HOXC5: variants seen among roughly 807,000 people sequenced by gnomAD.
HOXC5 encodes homeobox C5.
HOXC5 carries 19 observed loss-of-function variants against 20.1 expected under a neutral mutation model. The ratio of observed to expected loss-of-function variants is 0.94; its 90% CI spans 0.66 to 1.38. HOXC5 has a LOEUF of 1.38. Among genes scored for constraint, HOXC5 ranks in the 40% most tolerant of loss-of-function variants. HOXC5 has a pLI of 0.00. For missense variants in HOXC5, 330 were observed against 300.1 expected, an observed-to-expected ratio of 1.10 and a Z score of -0.74; for synonymous variants, 124 against 117.0, an observed-to-expected ratio of 1.06 and a Z score of -0.39.
chr12:54,030,473 C>T (rs1395673838), upstream of HOXC5: 1 of 152,922 alleles, frequency 6.5e-6, no homozygotes, highest in Non-Finnish European at 1.5e-5. Context: ...CTGCCTAGCC[C>T]CTCTGCCCCA....
chr12:54,017,004 T>C, the HOXC5 span: 5 of 152,054 alleles, frequency 3.3e-5, no homozygotes, highest in African/African-American at 4.8e-5. Context: ...TTTTCCCCCA[T>C]TTAATTTTTT....
upstream of HOXC5, among the ~76,000 whole-genome samples, chr12:54,029,409 C>CCT (rs1940887176): frequency 1.1e-5 from 1 of 87,044 alleles, no homozygotes; most frequent in Non-Finnish European, 2.2e-5. Flanking sequence ...CCCCGCCCCC[C>CCT]CGCCCCCCCC....
chr12:54,032,371 C>A (rs1194920611), upstream of HOXC5, among the ~76,000 whole-genome samples: 1 of 152,238 alleles, frequency 6.6e-6, no homozygotes, highest in Admixed American at 6.5e-5. Context: ...CTTTCTCTTG[C>A]TGATAGGCAC....
upstream of HOXC5, chr12:54,030,014 A>G (rs1460238040): frequency 2.1e-6 from 3 of 1,414,192 alleles, no homozygotes; most frequent in African/African-American, 2.9e-5. Context: ...CTCCCCACCA[A>G]CTCTCCCCTA....
At chr12:54,027,903 AT>A in the HOXC5 span, among the ~76,000 whole-genome samples, 5 of 151,012 alleles carry the variant, frequency 3.3e-5, no homozygotes, top group South Asian at 2.1e-4. Context: ...TCTACTTTTG[AT>A]TTTTTTTTAA....
the HOXC5 span, among the ~76,000 whole-genome samples, chr12:54,024,825 G>A: frequency 4.6e-5 from 7 of 152,208 alleles, no homozygotes; most frequent in Non-Finnish European, 8.8e-5. Flanking sequence ...GCCAGTGACT[G>A]CACCCCACTC....
the HOXC5 span, chr12:54,022,252 G>A: frequency 2.6e-5 from 4 of 152,030 alleles, no homozygotes; most frequent in Non-Finnish European, 5.9e-5. Flanking sequence ...AATGTTGGTG[G>A]ATTCATAAAG....
chr12:54,020,007 C>G, the HOXC5 span: 2 of 152,308 alleles, frequency 1.3e-5, no homozygotes, highest in Non-Finnish European at 2.9e-5. Flanking sequence ...CCAGTGGACT[C>G]CAACACCAAC....
upstream of HOXC5, among the ~76,000 whole-genome samples, chr12:54,031,738 G>C (rs914021546): frequency 6.6e-6 from 1 of 152,200 alleles, no homozygotes; most frequent in South Asian, 2.1e-4. Context: ...GCCTTCTCCT[G>C]GCGGGGCGGA....
the HOXC5 span, among the ~76,000 whole-genome samples, chr12:54,025,526 T>G: frequency 6.6e-5 from 1 of 15,202 alleles, no homozygotes; most frequent in African/African-American, 1.2e-4. Context: ...TGAAAGGTAA[T>G]TGGGGGGGGG....
the HOXC5 span, among the ~76,000 whole-genome samples, chr12:54,023,264 A>C: frequency 1.3e-5 from 2 of 152,192 alleles, no homozygotes; most frequent in Admixed American, 1.3e-4. Context: ...TGGGGTAGAG[A>C]TGTTTGGGAC....
At chr12:54,031,616 G>A (rs1940990683), upstream of HOXC5, among the ~76,000 whole-genome samples, 1 of 152,196 alleles carries the variant, frequency 6.6e-6, no homozygotes, top group Non-Finnish European at 1.5e-5. Context: ...TACAGGGAGA[G>A]GTGTTGAGGA....
At chr12:54,027,837 C>T in the HOXC5 span, among the ~76,000 whole-genome samples, 1 of 152,178 alleles carries the variant, frequency 6.6e-6, no homozygotes, top group Non-Finnish European at 1.5e-5. Flanking sequence ...CTACTACATT[C>T]AAGACTCTCA....
the HOXC5 span, among the ~76,000 whole-genome samples, chr12:54,024,047 T>C: frequency 6.6e-6 from 1 of 152,246 alleles, no homozygotes. Context: ...AGTCTAATCA[T>C]AGACCAATCG....
At chr12:54,025,372 G>A in the HOXC5 span, among the ~76,000 whole-genome samples, 2 of 152,044 alleles carry the variant, frequency 1.3e-5, no homozygotes, top group African/African-American at 4.8e-5. Flanking sequence ...AACATGAAAT[G>A]GGAAAAAGAA....
upstream of HOXC5, chr12:54,030,120 G>T (rs756628790): frequency 1.7e-4 from 117 of 682,612 alleles, no homozygotes; most frequent in Non-Finnish European, 2.7e-4. Flanking sequence ...AGTCAGCTCT[G>T]GACCCCCTCC....
upstream of HOXC5, chr12:54,028,808 C>T: frequency 1.9e-6 from 3 of 1,614,182 alleles, no homozygotes; most frequent in Non-Finnish European, 2.5e-6. Context: ...GGACATAACA[C>T]ACAGACCTCA....
the HOXC5 span, among the ~76,000 whole-genome samples, chr12:54,026,515 TG>T: frequency 1.3e-5 from 2 of 152,238 alleles, no homozygotes; most frequent in Non-Finnish European, 2.9e-5. Flanking sequence ...TTCATTTCCT[TG>T]GGGAGAAGAA....
the HOXC5 span, among the ~76,000 whole-genome samples, chr12:54,017,689 C>T: frequency 6.6e-6 from 1 of 152,052 alleles, no homozygotes; most frequent in East Asian, 1.9e-4. Flanking sequence ...GGGCTCAAGC[C>T]GGCGGTCTAG....
Sources: allele counts gnomAD v4.1 joint callset (sites outside exome capture counted in the v4.1 genomes callset), GRCh38; gene constraint gnomAD v4.1.1; transcripts MANE v1.5; gene names NCBI Gene and HGNC (gene_info 2026-07-23, HGNC 2026-07-21).